The following COL22A1 variants were observed in gnomAD, a reference collection of about 807,000 sequenced individuals.
The protein encoded by COL22A1 is collagen type XXII alpha 1 chain.
COL22A1 carries 221 observed loss-of-function variants against 248.9 expected under a neutral mutation model. That is an observed-to-expected ratio of 0.89 (90% CI 0.80 to 0.99). COL22A1 has a LOEUF of 0.99. Among genes scored for constraint, COL22A1 ranks in the 50% least tolerant of loss-of-function variants. COL22A1 has a pLI of 0.00. For missense variants in COL22A1, 2,240 were observed against 2,179.0 expected, an observed-to-expected ratio of 1.03 and a Z score of -0.56; for synonymous variants, 891 against 793.4, an observed-to-expected ratio of 1.12 and a Z score of -2.07.
chr8:138,783,175 T>A (rs1815185295), intron 12 of COL22A1, among the ~76,000 whole-genome samples: 1 of 152,118 alleles, frequency 6.6e-6, no homozygotes, highest in South Asian at 2.1e-4. Context: ...TGACCCTCGC[T>A]TAGAGGAGGG....
intron 3 of COL22A1, among the ~76,000 whole-genome samples, chr8:138,873,014 C>T (rs1359197949): frequency 1.3e-5 from 2 of 152,208 alleles, no homozygotes; most frequent in Non-Finnish European, 2.9e-5. Flanking sequence ...GTATGAGCCA[C>T]ATCTGTTCTA....
intron 62 of COL22A1, among the ~76,000 whole-genome samples, chr8:138,594,850 C>G (rs568617334): frequency 6.6e-6 from 1 of 152,050 alleles, no homozygotes; most frequent in East Asian, 1.9e-4. Context: ...TTTTCCTCTC[C>G]GATGTCAAAG....
chr8:138,776,417 A>G (rs1406921626), intron 15 of COL22A1, among the ~76,000 whole-genome samples: 2 of 152,078 alleles, frequency 1.3e-5, no homozygotes, highest in African/African-American at 2.4e-5. Flanking sequence ...CCAACGTTGA[A>G]TCAGAGAATG....
At chr8:138,741,905 GTGA>G (rs1470651224) in intron 22 of COL22A1, among the ~76,000 whole-genome samples, 5 of 152,198 alleles carry the variant, frequency 3.3e-5, no homozygotes, top group African/African-American at 9.7e-5. Context: ...GGTTATGGTA[GTGA>G]TGGAGTTGAT....
intron 63 of COL22A1, among the ~76,000 whole-genome samples, 200 bp from the exon 64 acceptor site, chr8:138,591,701 C>G (rs1272213797): frequency 1.3e-5 from 2 of 152,178 alleles, no homozygotes; most frequent in Non-Finnish European, 2.9e-5. Flanking sequence ...CTCCAGCACA[C>G]ACTCACATTC....
At chr8:138,823,235 G>T (rs73723542) in intron 6 of COL22A1, among the ~76,000 whole-genome samples, 6,926 of 152,174 alleles carry the variant, frequency 0.046, 523 homozygotes, top group African/African-American at 0.16. Flanking sequence ...ATTATGAGAA[G>T]TATAATATAT....
At chr8:138,628,885 T>C (rs1179582561) in intron 50 of COL22A1, among the ~76,000 whole-genome samples, 2 of 149,682 alleles carry the variant, frequency 1.3e-5, no homozygotes, top group East Asian at 4.1e-4. Context: ...CCTGCCTCAC[T>C]GTCCCGAGTA....
At chr8:138,859,358 T>C (rs982907436) in intron 3 of COL22A1, among the ~76,000 whole-genome samples, 8 of 152,142 alleles carry the variant, frequency 5.3e-5, no homozygotes, top group African/African-American at 1.9e-4. Context: ...TCGGGGCAGA[T>C]GGCAAGGCCA....
chr8:138,676,628 C>T lies in COL22A1; in HGVS notation c.3080G>A (p.Arg1027Gln), dbSNP rs768646626. 1.3e-5 allele frequency: 21 copies of T among 1,562,266 alleles called. No individual in the cohort carries two copies. The Admixed American group carries it at 1.5e-4, about 11-fold the overall frequency. ...AGAACCAGGGATCCCAGGAGCTCCT[C>T]GATCCCCCTAGAAAGAGAGAAAAAT... ...ALGGQCVKGD[R>Q]GAPGIPGSPG... The change falls in exon 41 of 65, where the codon CGA (arginine) becomes CAA (glutamine). Residue 1027 changes from arginine to glutamine, a missense_variant. Physicochemically the swap from Arg to Gln is conservative, Grantham distance 43 (BLOSUM62 1). Transcript: ENST00000303045.
At chr8:138,797,465 G>A (rs1056286516) in intron 11 of COL22A1, among the ~76,000 whole-genome samples, 6 of 152,198 alleles carry the variant, frequency 3.9e-5, no homozygotes, top group South Asian at 2.1e-4. Flanking sequence ...GACATTGTAC[G>A]CATATGACAT....
chr8:138,867,079 A>G (rs1242236331), intron 3 of COL22A1, among the ~76,000 whole-genome samples: 1 of 152,222 alleles, frequency 6.6e-6, no homozygotes, highest in Admixed American at 6.5e-5. Context: ...AGGGCCCGAT[A>G]GTAAATAGCC....
At chr8:138,661,205 A>G (rs1438239059) in intron 43 of COL22A1, among the ~76,000 whole-genome samples, 1 of 152,208 alleles carries the variant, frequency 6.6e-6, no homozygotes, top group African/African-American at 2.4e-5. Flanking sequence ...TAGACTGGCT[A>G]TAAGAATGCT....
At chr8:138,764,457 C>T (rs1308727077) in intron 16 of COL22A1, among the ~76,000 whole-genome samples, 3 of 152,244 alleles carry the variant, frequency 2.0e-5, no homozygotes, top group East Asian at 3.9e-4. Flanking sequence ...GAATCACTGA[C>T]GCCTGCCTCA....
intron 1 of COL22A1, among the ~76,000 whole-genome samples, chr8:138,897,395 A>G (rs10105755): frequency 0.62 from 94,182 of 151,336 alleles, 30,247 homozygotes; most frequent in East Asian, 0.85. Context: ...AAAAAAATAC[A>G]AACATTAGTT....
chr8:138,764,046 C>A (rs1452226748), intron 16 of COL22A1, among the ~76,000 whole-genome samples: 1 of 152,146 alleles, frequency 6.6e-6, no homozygotes, highest in African/African-American at 2.4e-5. Flanking sequence ...TTCTTTATAA[C>A]CTCATTTCCC....
At chr8:138,900,435 C>T (rs915234335) in intron 1 of COL22A1, among the ~76,000 whole-genome samples, 1 of 152,184 alleles carries the variant, frequency 6.6e-6, no homozygotes, top group African/African-American at 2.4e-5. Flanking sequence ...GAGGAGGAGA[C>T]AGAAAAAGTG....
Position 138,737,686 on chromosome 8 carries a change from C to T in COL22A1, c.2086-109G>A, listed in dbSNP as rs963703526. ...TGGGTCTTTATTACTCTCAACCTCC[C>T]AGATTAACAATTGTCCCTCAGGAGT... On this transcript the variant is annotated intron_variant, in intron 22 of 64. Coordinates refer to ENST00000303045, the MANE Select transcript of COL22A1 (RefSeq NM_152888.3). The T allele has an allele frequency of 5.6e-6, 4 of 714,650 alleles. No homozygotes were observed. In the Admixed American group the frequency reaches 9.1e-5, roughly 16 times the overall value. 44.3% of individuals were successfully genotyped at this position (714,650 alleles called of 1,614,324 possible).
rs10101430 is a variant in COL22A1, at chr8:138,811,814, G to A, written c.1434C>T (p.Cys478=). 818,791 of 1,608,162 alleles carry A rather than the reference G, an allele frequency of 0.51. 209,913 individuals carry two copies. Among genetic ancestry groups the A allele is most frequent in the Middle Eastern group, 0.63 (3,099 of 4,950 alleles). Residue 478 remains cysteine, a synonymous_variant, in exon 9 of 65, where the codon TGC becomes TGT. Transcript: ENST00000303045. ...CAGACAATACCTTCTCTCCAGCTGG[G>A]CAGGAGCAGTTGATGGTCTTCAAAA... ...IGFLKTINCS[C]PAGEKGEMGV... is the part of the protein sequence containing the mutation.
At chr8:138,840,258 A>G (rs1820782031) in intron 4 of COL22A1, among the ~76,000 whole-genome samples, 1 of 152,116 alleles carries the variant, frequency 6.6e-6, no homozygotes, top group African/African-American at 2.4e-5. Context: ...GGTTATAATT[A>G]GAGGAGACGG....
Sources: allele counts gnomAD v4.1 joint callset (sites outside exome capture counted in the v4.1 genomes callset), GRCh38; gene constraint gnomAD v4.1.1; transcripts MANE v1.5; gene names NCBI Gene and HGNC (gene_info 2026-07-23, HGNC 2026-07-21).